Variants in UBE2J2 observed in about 807,000 individuals in gnomAD.
UBE2J2 encodes ubiquitin conjugating enzyme E2 J2.
A neutral mutation model predicts 28.6 loss-of-function variants in UBE2J2; 5 were observed. That is an observed-to-expected ratio of 0.17 (90% CI 0.09 to 0.37). The LOEUF is 0.37. UBE2J2 is among the 10% of genes least tolerant of loss of function. The pLI, the probability that UBE2J2 is intolerant of heterozygous loss-of-function variation, is 1.00. For missense variants in UBE2J2, 226 were observed against 338.9 expected (o/e 0.67, Z 2.62); for synonymous variants, 138 against 139.7 (o/e 0.99, Z 0.09).
chr1:1,267,051 G>C (rs1639909904), intron 2 of UBE2J2, among the ~76,000 whole-genome samples: 1 of 151,728 alleles, frequency 6.6e-6, no homozygotes, highest in South Asian at 2.1e-4. Flanking sequence ...ATCATGCCCA[G>C]CTAATATTTG....
intron 1 of UBE2J2, among the ~76,000 whole-genome samples, chr1:1,272,094 T>C (rs1570587267): frequency 6.6e-6 from 1 of 151,168 alleles, no homozygotes. Context: ...CCGGAGGCTG[T>C]AGTGAACTGA....
rs780340108 is a variant in UBE2J2, at chr1:1,267,906, C to G, written c.87G>C (p.Val29=). 1 of 1,614,006 alleles carries G rather than the reference C, an allele frequency of 6.2e-7. No individual in the cohort carries two copies. The highest frequency in any genetic ancestry group is 8.5e-7 in the Non-Finnish European group (1 of 1,179,998). ...GGAGGGGCTCGGCACAGATGTAAGG[C>G]ACCGGGTCTTTCTTAATGCGAAGGT... ...QDYLRIKKDP[V]PYICAEPLPS... is the part of the protein sequence containing the mutation. The change falls in exon 2 of 7, where the codon GTG becomes GTC. Residue 29 remains valine, a synonymous_variant. Transcript: ENST00000349431.
At chr1:1,267,822 C>A in intron 2 of UBE2J2, 40 bp downstream of exon 2, 1 of 1,601,338 alleles carries the variant, frequency 6.2e-7, no homozygotes, top group Non-Finnish European at 8.5e-7. Context: ...TGCGTGGCAG[C>A]GACAGTCAGC....
At chr1:1,259,301 C>T (rs1639414535) in intron 3 of UBE2J2, among the ~76,000 whole-genome samples, 1 of 149,240 alleles carries the variant, frequency 6.7e-6, no homozygotes, top group Non-Finnish European at 1.5e-5. Flanking sequence ...GACGCGTGTG[C>T]ACGTGCGTGC....
Position 1,263,360 on chromosome 1 carries a change from A to T in UBE2J2, c.158T>A (p.Met53Lys). The T allele has an allele frequency of 6.2e-7, 1 of 1,613,640 alleles. No homozygotes were observed. Among genetic ancestry groups the T allele is most frequent in the African/African-American group, 1.3e-5 (1 of 75,056 alleles). The change falls in exon 3 of 7, where the codon ATG becomes AAG. Residue 53 changes from methionine (M) to lysine (K), a missense_variant. Coordinates refer to ENST00000349431, the MANE Select transcript of UBE2J2 (RefSeq NM_058167.3). ...AGAATCCTTACCTTCATAAGGGGTC[A>T]TCTCTGGGCCTCGGACGACATAGTG... ...EWHYVVRGPE[M>K]TPYEGGYYHG...
rs570244332 is a variant in UBE2J2, at chr1:1,272,067, T to G, written c.-1+1599A>C. ...TACTCTGGAGGCTGAGGTGGGAGAA[T>G]TACTTGAACTCGGGAGCCGGAGGCT... On this transcript the variant is annotated intron_variant, in intron 1 of 6. Transcript: ENST00000349431. Among the ~76,000 whole-genome samples, 76 of 149,548 alleles carry G rather than the reference T, an allele frequency of 5.1e-4. No homozygotes were observed. In the South Asian group the frequency reaches 7.0e-3, roughly 14 times the overall value.
intron 2 of UBE2J2, among the ~76,000 whole-genome samples, chr1:1,266,559 C>T (rs138355935): frequency 0.014 from 2,139 of 151,956 alleles, 45 homozygotes; most frequent in African/African-American, 0.047. Context: ...TGGTGGCTCA[C>T]GCCTGTAATC....
Position 1,256,609 on chromosome 1 carries a change from G to A in UBE2J2, c.414+383C>T, listed in dbSNP as rs1447845288. Among the ~76,000 whole-genome samples, 7 of 152,294 alleles carry A rather than the reference G, an allele frequency of 4.6e-5. No individual in the cohort carries two copies. In the East Asian group the frequency reaches 7.7e-4, roughly 17 times the overall value. On this transcript the variant is annotated intron_variant, in intron 5 of 6. Coordinates refer to ENST00000349431, the MANE Select transcript of UBE2J2 (RefSeq NM_058167.3). ...AGAAGAAAGGCAGCTGCGGCCGGGC[G>A]CGGTGGCTCACGCCTGTAATCCCAG... is the stretch of plus-strand genomic sequence containing the variant.
At chr1:1,263,229 T>C in intron 3 of UBE2J2, 117 bp downstream of exon 3, 2 of 957,106 alleles carry the variant, frequency 2.1e-6, no homozygotes, top group East Asian at 2.4e-5. Context: ...CCAATTTAAC[T>C]AGCACACATC....
In UBE2J2 at chr1:1,255,501, A is replaced by G. The variant is rs1363255668; in HGVS notation, c.496-14T>C. 2 of 1,598,908 alleles carry G rather than the reference A, an allele frequency of 1.3e-6. No individual in the cohort carries two copies. The highest frequency in any genetic ancestry group is 8.5e-7 in the Non-Finnish European group (1 of 1,169,722). On this transcript the variant is annotated splice_polypyrimidine_tract_variant and intron_variant, in intron 6 of 6. Coordinates refer to ENST00000349431, the MANE Select transcript of UBE2J2 (RefSeq NM_058167.3). The stretch of plus-strand genomic sequence containing the variant: ...TTGTTTAATCTCCTAAGAGAAAAAC[A>G]GCGAGAAAAGCAGCTGGTCTCCAAC...
intron 6 of UBE2J2, among the ~76,000 whole-genome samples, chr1:1,255,723 A>G (rs1440688700): frequency 1.3e-5 from 2 of 152,242 alleles, no homozygotes; most frequent in Non-Finnish European, 2.9e-5. Context: ...GGCCAAGACC[A>G]GGGAGCACTC....
At chr1:1,272,990 C>G (rs1640238099) in intron 1 of UBE2J2, 1 of 152,332 alleles carries the variant, frequency 6.6e-6, no homozygotes, top group Non-Finnish European at 1.5e-5. Context: ...ACCTTTCAGC[C>G]GCTTCCTATC....
intron 2 of UBE2J2, chr1:1,266,112 C>T (rs1347292498): frequency 7.7e-7 from 1 of 1,304,072 alleles, no homozygotes; most frequent in Non-Finnish European, 1.0e-6. Flanking sequence ...CAGCGATGTC[C>T]TGGGGCCACA....
In UBE2J2 at chr1:1,255,092, A is replaced by T; in HGVS notation, c.*111T>A. On this transcript the variant is annotated 3_prime_UTR_variant, in exon 7 of 7. Transcript: ENST00000349431. ...TCCCCTTTCAGGTTTTTAAAAGCTA[A>T]ACCTAGGAGCCTGGTGGGTCTGCCT... 1 of 1,252,158 alleles carries T rather than the reference A, an allele frequency of 8.0e-7. No homozygotes were observed. Among genetic ancestry groups the T allele is most frequent in the East Asian group, 2.6e-5 (1 of 38,024 alleles). 77.6% of individuals were successfully genotyped at this position (1,252,158 alleles called of 1,614,324 possible). A position where few individuals can be genotyped will look rare whatever the true frequency, so the allele number is the denominator to read the frequency against.
chr1:1,255,520 C>G, intron 6 of UBE2J2, 33 bp from the exon 7 acceptor site: 1 of 1,584,706 alleles, frequency 6.3e-7, no homozygotes, highest in East Asian at 2.2e-5. Flanking sequence ...AGCAGCTGGT[C>G]TCCAACCAGC....
chr1:1,266,011 A>G (rs1639838770), intron 2 of UBE2J2: 11 of 1,280,358 alleles, frequency 8.6e-6, no homozygotes, highest in Non-Finnish European at 1.1e-5. Flanking sequence ...CCTGACCCAC[A>G]GATTTGTGGG....
chr1:1,269,288 C>A (rs1270479326), intron 1 of UBE2J2, among the ~76,000 whole-genome samples: 1 of 145,288 alleles, frequency 6.9e-6, no homozygotes, highest in African/African-American at 2.6e-5. Flanking sequence ...ATCAGGGACC[C>A]CAAAGCCCCT....
chr1:1,264,943 T>C (rs1488346210), intron 2 of UBE2J2: 1 of 153,342 alleles, frequency 6.5e-6, no homozygotes, highest in African/African-American at 2.4e-5. Flanking sequence ...TAATGTATAC[T>C]AATGGGATGA....
At chr1:1,258,304 G>A (rs1639330222) in intron 3 of UBE2J2, among the ~76,000 whole-genome samples, 1 of 152,034 alleles carries the variant, frequency 6.6e-6, no homozygotes, top group Non-Finnish European at 1.5e-5. Context: ...GCCTCCCAAG[G>A]TGCTGGGATT....
Sources: allele counts gnomAD v4.1 joint callset (sites outside exome capture counted in the v4.1 genomes callset), GRCh38; gene constraint gnomAD v4.1.1; transcripts MANE v1.5; gene names NCBI Gene and HGNC (gene_info 2026-07-23, HGNC 2026-07-21).